The following NACC2 variants were observed in gnomAD, a reference collection of about 807,000 sequenced individuals.
NACC2 encodes NACC family member 2, also known as nucleus accumbens-associated protein 2.
A neutral mutation model predicts 25.1 loss-of-function variants in NACC2; 8 were observed. The ratio of observed to expected loss-of-function variants is 0.32; its 90% confidence interval spans 0.19 to 0.57. NACC2 has a LOEUF of 0.57. Ranked by LOEUF, NACC2 falls within the 20% of genes least tolerant of loss-of-function variation. The pLI is 0.89. For missense variants in NACC2, 644 were observed against 650.2 expected, an observed-to-expected ratio of 0.99 and a Z score of 0.10; for synonymous variants, 435 against 294.7, an observed-to-expected ratio of 1.48 and a Z score of -4.88.
rs549492371 is a variant in NACC2 at position 136,067,190 on chromosome 9, G to A, written c.-59-16610C>T. On this transcript the variant is annotated intron_variant, in intron 1 of 5. Transcript: ENST00000277554. ...AATCGCTTGAACCCGGGAGGCGGAC[G>A]TTGCGGTGAGCCAAGATCGCACCAA... Among the ~76,000 whole-genome samples, 10 of 151,304 alleles carry A rather than the reference G, an allele frequency of 6.6e-5. No homozygotes were observed. The South Asian group carries it at 1.3e-3, about 19-fold the overall frequency.
intron 2 of NACC2, among the ~76,000 whole-genome samples, chr9:136,036,543 A>G (rs1840557577): frequency 1.3e-5 from 2 of 152,180 alleles, no homozygotes; most frequent in South Asian, 4.1e-4. Flanking sequence ...ATACACACAT[A>G]TACATATACA....
chr9:136,041,375 GCAC>G (rs1208828600), intron 2 of NACC2, among the ~76,000 whole-genome samples: 1 of 151,092 alleles, frequency 6.6e-6, no homozygotes, highest in Non-Finnish European at 1.5e-5. Context: ...AGCCGAGATC[GCAC>G]CACTGCACTC....
At chr9:136,094,895 G>A (rs1430829777) in intron 1 of NACC2, among the ~76,000 whole-genome samples, 1 of 150,252 alleles carries the variant, frequency 6.7e-6, no homozygotes, top group African/African-American at 2.4e-5. Context: ...CCCGGAGCCG[G>A]GGTCTCCCCG....
Position 136,065,339 on chromosome 9 carries a change from G to T in NACC2, c.-59-14759C>A, listed in dbSNP as rs1242293417. Among the ~76,000 whole-genome samples, 4 of 152,272 alleles carry T rather than the reference G, an allele frequency of 2.6e-5. No homozygotes were observed. The East Asian group carries it at 5.8e-4, about 22-fold the overall frequency. On this transcript the variant is annotated intron_variant, in intron 1 of 5. Coordinates refer to ENST00000277554, the MANE Select transcript of NACC2 (RefSeq NM_144653.5). ...GTATCTACAAAAAATAAATAATTAG[G>T]CTGGGCGTGGTGGCTCACACCTATA...
chr9:136,022,579 G>A lies in NACC2; in HGVS notation c.887-6150C>T, dbSNP rs1051478997. On this transcript the variant is annotated intron_variant, in intron 2 of 5. Coordinates refer to ENST00000277554, the MANE Select transcript of NACC2 (RefSeq NM_144653.5). The surrounding 1 kb of genome is among the most constrained non-coding windows in gnomAD (Gnocchi z 4.4). ...GGGGGTGGGTCCATGGTCCCAGCTCGCTGCCTCCTGGCCAGTGAGCCTGTT... is the reference window on the plus strand; with the variant it reads ...GGGGGTGGGTCCATGGTCCCAGCTCACTGCCTCCTGGCCAGTGAGCCTGTT... Among the ~76,000 whole-genome samples, 2 of 152,146 alleles carry A rather than the reference G, an allele frequency of 1.3e-5. No individual in the cohort carries two copies. Among genetic ancestry groups the A allele is most frequent in the Admixed American group, 6.5e-5 (1 of 15,282 alleles).
intron 1 of NACC2, among the ~76,000 whole-genome samples, chr9:136,069,636 G>C (rs1173284799): frequency 1.3e-5 from 2 of 151,678 alleles, no homozygotes; most frequent in East Asian, 3.9e-4. Context: ...AAAAAGAATA[G>C]AAAAAGATAA....
chr9:136,028,503 G>A (rs944771558), intron 2 of NACC2, among the ~76,000 whole-genome samples: 5 of 151,832 alleles, frequency 3.3e-5, no homozygotes, highest in South Asian at 2.1e-4. Context: ...AGCCTCCTGC[G>A]TAACTGTGAC....
At position 136,011,443 on chromosome 9, in the gene NACC2, C is replaced by T; in HGVS notation, c.*73G>A. On this transcript the variant is annotated 3_prime_UTR_variant, in exon 6 of 6. Coordinates refer to ENST00000277554, the MANE Select transcript of NACC2 (RefSeq NM_144653.5). ...CAGTTCAGTAGGTAAGTGGCTTGATCACATTTGTTTGTATTAGTAACGCAT... is the reference window on the plus strand; with the variant it reads ...CAGTTCAGTAGGTAAGTGGCTTGATTACATTTGTTTGTATTAGTAACGCAT... The T allele has an allele frequency of 7.8e-7, 1 of 1,284,886 alleles. No homozygotes were observed. The highest frequency in any genetic ancestry group is 9.9e-7 in the Non-Finnish European group (1 of 1,012,844). The allele number at this position is 1,284,886 out of a possible 1,614,324, so 79.6% of individuals were successfully genotyped here. A position where few individuals can be genotyped will look rare whatever the true frequency, so the allele number is the denominator to read the frequency against.
At chr9:136,049,179 G>A (rs894860147) in intron 2 of NACC2, among the ~76,000 whole-genome samples, 27 of 152,244 alleles carry the variant, frequency 1.8e-4, no homozygotes, top group East Asian at 3.9e-4. Flanking sequence ...CACACTGGGC[G>A]CTTCCTGGCC....
intron 3 of NACC2, among the ~76,000 whole-genome samples, chr9:136,014,304 C>T (rs1189073029): frequency 6.6e-6 from 1 of 151,890 alleles, no homozygotes; most frequent in Non-Finnish European, 1.5e-5. Context: ...TCCCCAAGAA[C>T]ACACTTTGTT....
In NACC2 at chr9:136,055,781, G is replaced by C. The variant is rs1056127872; in HGVS notation, c.-59-5201C>G. ...AGGCGGGGCACGGGAAACGTTCTGC[G>C]GAGGGGAGAGTCCCTCTACCCCGAG... On this transcript the variant is annotated intron_variant, in intron 1 of 5. Transcript: ENST00000277554. This position sits in a 1 kb window ranked among gnomAD's most constrained non-coding sequence, Gnocchi z 4.9. Among the ~76,000 whole-genome samples, 1 of 152,200 alleles carries C rather than the reference G, an allele frequency of 6.6e-6. No homozygotes were observed. Among genetic ancestry groups the C allele is most frequent in the South Asian group, 2.1e-4 (1 of 4,820 alleles).
At chr9:136,024,150 GAC>G (rs1365164071) in intron 2 of NACC2, among the ~76,000 whole-genome samples, 21 of 115,330 alleles carry the variant, frequency 1.8e-4, no homozygotes, top group Non-Finnish European at 3.7e-4. Context: ...TGTGTGTGGG[GAC>G]AGAGTGTGTG....
chr9:136,090,077 A>G (rs1031431433), intron 1 of NACC2, among the ~76,000 whole-genome samples: 51 of 152,378 alleles, frequency 3.3e-4, no homozygotes, highest in African/African-American at 1.2e-3. Flanking sequence ...ATGAAATTAA[A>G]TGAGCAAAAC....
chr9:136,089,566 C>T (rs776386910), intron 1 of NACC2, among the ~76,000 whole-genome samples: 3 of 151,970 alleles, frequency 2.0e-5, no homozygotes, highest in East Asian at 1.9e-4. Context: ...AACCCACCCT[C>T]GGGGTGCCCT....
chr9:136,050,421 A>G lies in NACC2; in HGVS notation c.101T>C (p.Ile34Thr), dbSNP rs1360199140. ...RLLGLYCDVS[I>T]VVKGQAFKAH... ...CTTGAAGGCCTGGCCCTTGACCACG[A>G]TGGACACATCGCAGTAGAGGCCCAG... Residue 34 changes from isoleucine (I) to threonine (T), a missense_variant, in exon 2 of 6, where the codon ATC becomes ACC. Physicochemically the swap from Ile to Thr is moderately conservative, Grantham distance 89. Coordinates refer to ENST00000277554, the MANE Select transcript of NACC2 (RefSeq NM_144653.5). The G allele has an allele frequency of 1.3e-6, 1 of 766,274 alleles. No homozygotes were observed. Among genetic ancestry groups the G allele is most frequent in the Non-Finnish European group, 2.4e-6 (1 of 416,854 alleles). 47.5% of individuals were successfully genotyped at this position (766,274 alleles called of 1,614,324 possible). A position where few individuals can be genotyped will look rare whatever the true frequency, so the allele number is the denominator to read the frequency against.
intron 2 of NACC2, among the ~76,000 whole-genome samples, chr9:136,021,861 T>TC (rs1840300010): frequency 6.6e-6 from 1 of 152,216 alleles, no homozygotes; most frequent in South Asian, 2.1e-4. Context: ...ATACTGGTGA[T>TC]CCCATTTGTA....
intron 2 of NACC2, among the ~76,000 whole-genome samples, chr9:136,039,076 C>A (rs1840594132): frequency 6.6e-6 from 1 of 152,166 alleles, no homozygotes; most frequent in Non-Finnish European, 1.5e-5. Context: ...CATATGCCGT[C>A]TCTAAAAAAT....
chr9:136,047,973 G>T (rs1840754766), intron 2 of NACC2, among the ~76,000 whole-genome samples: 1 of 152,364 alleles, frequency 6.6e-6, no homozygotes, highest in African/African-American at 2.4e-5. Context: ...GCAGGGGGCT[G>T]TGCAGGGAGG....
At chr9:136,081,386 G>A (rs964638427) in intron 1 of NACC2, among the ~76,000 whole-genome samples, 3 of 152,156 alleles carry the variant, frequency 2.0e-5, no homozygotes, top group Admixed American at 1.3e-4. Context: ...AGCCCCACCC[G>A]CTCACAGCCA....
Sources: allele counts gnomAD v4.1 joint callset (sites outside exome capture counted in the v4.1 genomes callset), GRCh38; gene constraint gnomAD v4.1.1; non-coding constraint Gnocchi (gnomAD v3.1); transcripts MANE v1.5; gene names NCBI Gene and HGNC (gene_info 2026-07-23, HGNC 2026-07-21).